Variants in TMEFF1 observed in about 807,000 individuals in gnomAD.
TMEFF1 encodes the protein transmembrane protein with EGF like and two follistatin like domains 1.
Under a neutral mutation model 47.5 loss-of-function variants are expected in TMEFF1, and 20 were observed. The observed-to-expected ratio is 0.42, with a 90% CI of 0.30 to 0.61. The LOEUF (loss-of-function observed/expected upper bound fraction) is 0.61. Ranked by LOEUF, TMEFF1 falls within the 20% of genes least tolerant of loss-of-function variation. The pLI is 0.19. For missense variants in TMEFF1, 411 were observed against 471.1 expected, an observed-to-expected ratio of 0.87 and a Z score of 1.18; for synonymous variants, 162 against 166.3, an observed-to-expected ratio of 0.97 and a Z score of 0.20.
At chr9:100,500,596 G>C (rs1837739161) in intron 2 of TMEFF1, among the ~76,000 whole-genome samples, 1 of 151,964 alleles carries the variant, frequency 6.6e-6, no homozygotes, top group Non-Finnish European at 1.5e-5. Flanking sequence ...TTACCTGCTG[G>C]GATTTCCTCT....
intron 1 of TMEFF1, among the ~76,000 whole-genome samples, chr9:100,484,124 G>A (rs538223559): frequency 6.6e-6 from 1 of 151,462 alleles, no homozygotes; most frequent in Middle Eastern, 3.4e-3. Flanking sequence ...TAGTTTTTAG[G>A]TGTTGGGATT....
At chr9:100,474,145 A>G (rs1390685693) in intron 1 of TMEFF1, among the ~76,000 whole-genome samples, 1 of 109,986 alleles carries the variant, frequency 9.1e-6, no homozygotes, top group African/African-American at 3.4e-5. Context: ...GTGTGTGTGC[A>G]GAGTGCGGTG....
At chr9:100,485,519 A>G (rs1023849017) in intron 1 of TMEFF1, among the ~76,000 whole-genome samples, 10 of 152,102 alleles carry the variant, frequency 6.6e-5, no homozygotes, top group African/African-American at 2.2e-4. Context: ...AACCTTTGTT[A>G]TTGTCTTCTT....
intron 4 of TMEFF1, among the ~76,000 whole-genome samples, chr9:100,516,032 A>G (rs1931141): frequency 6.6e-6 from 1 of 151,272 alleles, no homozygotes; most frequent in Non-Finnish European, 1.5e-5. Context: ...TAGTGTTTTT[A>G]TTTTTTTCTT....
intron 1 of TMEFF1, among the ~76,000 whole-genome samples, chr9:100,474,704 G>T (rs1246154147): frequency 6.6e-6 from 1 of 152,038 alleles, no homozygotes; most frequent in Non-Finnish European, 1.5e-5. Context: ...GGAAGATGTC[G>T]TGCCTGTGTG....
intron 5 of TMEFF1, among the ~76,000 whole-genome samples, chr9:100,527,781 G>A (rs565966695): frequency 6.6e-6 from 1 of 152,202 alleles, no homozygotes; most frequent in Non-Finnish European, 1.5e-5. Flanking sequence ...CTCCACCTCT[G>A]GGGGCAGGGC....
chr9:100,557,414 C>T (rs1005898304), intron 7 of TMEFF1, among the ~76,000 whole-genome samples: 2 of 152,140 alleles, frequency 1.3e-5, no homozygotes, highest in African/African-American at 4.8e-5. Context: ...ATGAAGAAAA[C>T]ATGTCTCACC....
At chr9:100,533,220 G>C (rs10989143) in intron 5 of TMEFF1, among the ~76,000 whole-genome samples, 33,654 of 151,846 alleles carry the variant, frequency 0.22, 4,073 homozygotes, top group South Asian at 0.33. Flanking sequence ...CACATGTACC[G>C]TAGAACTTAA....
chr9:100,543,885 T>G (rs909018128), intron 5 of TMEFF1, among the ~76,000 whole-genome samples: 10 of 152,138 alleles, frequency 6.6e-5, no homozygotes, highest in African/African-American at 2.2e-4. Context: ...GGGTTTGAGA[T>G]TTTTCAAAAC....
chr9:100,491,903 C>T (rs1446043911), intron 1 of TMEFF1, among the ~76,000 whole-genome samples: 2 of 140,644 alleles, frequency 1.4e-5, no homozygotes, highest in East Asian at 4.2e-4. Flanking sequence ...TTTTTTGAGA[C>T]AGAGTCTCGC....
intron 1 of TMEFF1, among the ~76,000 whole-genome samples, chr9:100,477,597 G>C (rs959591315): frequency 1.6e-5 from 2 of 127,914 alleles, no homozygotes; most frequent in Non-Finnish European, 3.4e-5. Flanking sequence ...ACCCACAGAT[G>C]TTTTTCTGGA....
chr9:100,503,701 T>TGAAG (rs1313591831), intron 2 of TMEFF1, among the ~76,000 whole-genome samples: 1 of 152,140 alleles, frequency 6.6e-6, no homozygotes, highest in Non-Finnish European at 1.5e-5. Flanking sequence ...TATCTGAGAC[T>TGAAG]GAAGGCCTGG....
chr9:100,495,981 T>A (rs1837643376), intron 1 of TMEFF1, among the ~76,000 whole-genome samples: 1 of 152,240 alleles, frequency 6.6e-6, no homozygotes, highest in Admixed American at 6.5e-5. Context: ...ATCTCCTTGG[T>A]CTTATGCTAT....
At chr9:100,541,416 C>G (rs1838628749) in intron 5 of TMEFF1, among the ~76,000 whole-genome samples, 1 of 147,496 alleles carries the variant, frequency 6.8e-6, no homozygotes, top group South Asian at 2.2e-4. Context: ...CACTGTTGCC[C>G]AGGCTGGAGT....
At chr9:100,537,040 G>A (rs889979656) in intron 5 of TMEFF1, among the ~76,000 whole-genome samples, 1 of 152,166 alleles carries the variant, frequency 6.6e-6, no homozygotes, top group African/African-American at 2.4e-5. Flanking sequence ...TGCTGAGATA[G>A]ATAATCTAAA....
chr9:100,557,158 T>C (rs921406040), intron 7 of TMEFF1, among the ~76,000 whole-genome samples: 4 of 151,662 alleles, frequency 2.6e-5, no homozygotes, highest in African/African-American at 7.3e-5. Context: ...ATTAAGTTCA[T>C]CTGTTTAAAG....
chr9:100,491,683 C>A (rs1467409725), intron 1 of TMEFF1, among the ~76,000 whole-genome samples: 1 of 152,124 alleles, frequency 6.6e-6, no homozygotes, highest in Non-Finnish European at 1.5e-5. Flanking sequence ...GAAGGCAGAA[C>A]ATTTACTATA....
At chr9:100,483,534 G>T (rs1166385103) in intron 1 of TMEFF1, among the ~76,000 whole-genome samples, 2 of 119,830 alleles carry the variant, frequency 1.7e-5, no homozygotes, top group Admixed American at 1.7e-4. Context: ...CAAACAAGGT[G>T]TGTCATTGTA....
At chr9:100,537,301 C>T (rs1338140393) in intron 5 of TMEFF1, among the ~76,000 whole-genome samples, 2 of 152,102 alleles carry the variant, frequency 1.3e-5, no homozygotes, top group Non-Finnish European at 2.9e-5. Flanking sequence ...TTATGAGATA[C>T]TGAATTTGGA....
Sources: gnomAD v4.1 joint callset for allele counts (sites outside exome capture counted in the v4.1 genomes callset) on GRCh38, gnomAD v4.1.1 for gene constraint, MANE v1.5 for transcripts, NCBI Gene and HGNC (gene_info 2026-07-23, HGNC 2026-07-21) for gene names.